STXBP5L: variants seen among roughly 807,000 people sequenced by gnomAD.
The protein encoded by STXBP5L is syntaxin binding protein 5L, also known as syntaxin-binding protein 5-like.
Under a neutral mutation model 144.5 loss-of-function variants are expected in STXBP5L, and 65 were observed. The observed-to-expected ratio is 0.45, with a 90% CI of 0.37 to 0.55. The LOEUF (loss-of-function observed/expected upper bound fraction) is 0.55, where lower values mean the gene tolerates loss of function less well. Ranked by LOEUF, STXBP5L falls within the 20% of genes least tolerant of loss-of-function variation. STXBP5L has a pLI of 0.00. For synonymous variants in STXBP5L, 505 were observed against 469.6 expected, an observed-to-expected ratio of 1.08 and a Z score of -0.97; for missense variants, 1,298 against 1,405.5, an observed-to-expected ratio of 0.92 and a Z score of 1.22.
At chr3:121,160,628 T>A (rs1043209533) in intron 9 of STXBP5L, among the ~76,000 whole-genome samples, 1 of 152,138 alleles carries the variant, frequency 6.6e-6, no homozygotes, top group Admixed American at 6.5e-5. Context: ...CAACGGATAC[T>A]GGGAATAACC....
At chr3:120,950,028 C>T (rs1250161673) in intron 2 of STXBP5L, among the ~76,000 whole-genome samples, 1 of 151,806 alleles carries the variant, frequency 6.6e-6, no homozygotes, top group Non-Finnish European at 1.5e-5. Flanking sequence ...CATCAAAACA[C>T]CATGTTCTAA....
rs189481012 is a variant in STXBP5L at position 121,072,861 on chromosome 3, T to A, written c.470+27326T>A. Among the ~76,000 whole-genome samples the A allele has an allele frequency of 1.2e-3, 183 of 152,306 alleles. 1 individual carries two copies. The highest frequency in any genetic ancestry group is 4.3e-3 in the African/African-American group (177 of 41,562). On this transcript the variant is annotated intron_variant, in intron 5 of 26. Transcript: ENST00000471454. ...TGATTTCCTTTCCTTCAGTAGTTAA[T>A]AATCCTCTTTCCTTATATTTGGCTC...
At chr3:121,082,324 C>T (rs991784695) in intron 5 of STXBP5L, among the ~76,000 whole-genome samples, 1 of 151,904 alleles carries the variant, frequency 6.6e-6, no homozygotes, top group East Asian at 1.9e-4. Context: ...AAATCATGTA[C>T]ATGTCATGTT....
At chr3:121,157,782 T>C in intron 9 of STXBP5L, 155 bp downstream of exon 9, 3 of 985,098 alleles carry the variant, frequency 3.0e-6, no homozygotes, top group Non-Finnish European at 4.2e-6. Context: ...GATCCCAACA[T>C]TGTACCCCAA....
chr3:121,350,211 C>T (rs139311914), intron 20 of STXBP5L, among the ~76,000 whole-genome samples: 1 of 152,248 alleles, frequency 6.6e-6, no homozygotes, highest in African/African-American at 2.4e-5. Flanking sequence ...TTCTCCTTCA[C>T]TTATGAAGCT....
At chr3:120,912,485 G>C (rs35160772) in intron 2 of STXBP5L, among the ~76,000 whole-genome samples, 1 of 151,640 alleles carries the variant, frequency 6.6e-6, no homozygotes, top group Admixed American at 6.6e-5. Context: ...GTGTAATATC[G>C]CCCATAGGAA....
At chr3:121,405,464 C>A (rs2046975004) in intron 22 of STXBP5L, among the ~76,000 whole-genome samples, 2 of 151,930 alleles carry the variant, frequency 1.3e-5, no homozygotes, top group African/African-American at 4.8e-5. Context: ...TAAAATAGAG[C>A]CTAGAGCACA....
chr3:121,076,247 G>A (rs1426995913), intron 5 of STXBP5L, among the ~76,000 whole-genome samples: 1 of 152,154 alleles, frequency 6.6e-6, no homozygotes, highest in African/African-American at 2.4e-5. Flanking sequence ...AAGGGCTCTG[G>A]CTCCTCTCTG....
intron 3 of STXBP5L, among the ~76,000 whole-genome samples, chr3:120,990,545 T>G (rs897611375): frequency 2.3e-4 from 35 of 152,150 alleles, no homozygotes; most frequent in Admixed American, 2.6e-4. Flanking sequence ...TCACGCTACC[T>G]GACTTCAAAC....
chr3:121,343,129 G>T (rs1405705775), intron 20 of STXBP5L, among the ~76,000 whole-genome samples: 4 of 152,136 alleles, frequency 2.6e-5, no homozygotes, highest in African/African-American at 4.8e-5. Flanking sequence ...GTGTTTTTTG[G>T]CTGCATAAAT....
intron 6 of STXBP5L, among the ~76,000 whole-genome samples, chr3:121,116,970 G>A (rs2044256848): frequency 6.6e-6 from 1 of 151,894 alleles, no homozygotes; most frequent in Non-Finnish European, 1.5e-5. Context: ...TAAAGTAATT[G>A]AGAAGAATTT....
chr3:121,391,196 C>A (rs1455139684), intron 22 of STXBP5L, among the ~76,000 whole-genome samples: 3 of 152,122 alleles, frequency 2.0e-5, no homozygotes, highest in African/African-American at 7.2e-5. Context: ...GAAGCTTGTG[C>A]ATGTGTCATG....
chr3:121,081,584 C>T (rs2042251231), intron 5 of STXBP5L, among the ~76,000 whole-genome samples: 2 of 152,096 alleles, frequency 1.3e-5, no homozygotes, highest in African/African-American at 4.8e-5. Context: ...GCAGGGATCT[C>T]TTGAAGCTTA....
intron 9 of STXBP5L, among the ~76,000 whole-genome samples, chr3:121,170,667 C>G (rs1335880017): frequency 6.6e-6 from 1 of 152,140 alleles, no homozygotes; most frequent in Non-Finnish European, 1.5e-5. Context: ...CTGAACAGAC[C>G]AATTACAAGT....
intron 3 of STXBP5L, among the ~76,000 whole-genome samples, chr3:121,029,829 T>C (rs940204982): frequency 1.3e-5 from 2 of 150,332 alleles, no homozygotes; most frequent in Non-Finnish European, 3.0e-5. Flanking sequence ...TTAAACAAAT[T>C]TACAAGAAAA....
At chr3:121,353,590 TTGG>T in intron 20 of STXBP5L, among the ~76,000 whole-genome samples, 1 of 152,338 alleles carries the variant, frequency 6.6e-6, no homozygotes, top group South Asian at 2.1e-4. Flanking sequence ...TGTATTAGTC[TTGG>T]TAGTGGTCTA....
At chr3:121,113,699 G>C (rs1035207120) in intron 5 of STXBP5L, among the ~76,000 whole-genome samples, 22 of 121,144 alleles carry the variant, frequency 1.8e-4, no homozygotes, top group Non-Finnish European at 6.4e-5. Context: ...TTGTGACACA[G>C]AGTCTTGCTC....
intron 14 of STXBP5L, among the ~76,000 whole-genome samples, chr3:121,244,747 A>T (rs2049785867): frequency 6.6e-6 from 1 of 152,188 alleles, no homozygotes; most frequent in Non-Finnish European, 1.5e-5. Context: ...TTTTAGCAGA[A>T]GCATGGCAGA....
At chr3:121,111,773 G>C (rs1042628082) in intron 5 of STXBP5L, among the ~76,000 whole-genome samples, 2 of 152,210 alleles carry the variant, frequency 1.3e-5, no homozygotes, top group African/African-American at 4.8e-5. Flanking sequence ...ACTGTGGTGG[G>C]AGGAATCCCA....
Sources: allele counts gnomAD v4.1 joint callset (sites outside exome capture counted in the v4.1 genomes callset), GRCh38; gene constraint gnomAD v4.1.1; transcripts MANE v1.5; gene names NCBI Gene and HGNC (gene_info 2026-07-23, HGNC 2026-07-21).